The following DESI2 variants were observed in gnomAD, a reference collection of about 807,000 sequenced individuals.
DESI2 encodes deubiquitinase DESI2.
Under a neutral mutation model 24.1 loss-of-function variants are expected in DESI2, and 10 were observed. The observed-to-expected ratio is 0.41, with a 90% CI of 0.26 to 0.70. The LOEUF (loss-of-function observed/expected upper bound fraction) is 0.70, where lower values mean the gene tolerates loss of function less well. Ranked by LOEUF, DESI2 falls within the 30% of genes least tolerant of loss-of-function variation. The probability of loss-of-function intolerance (pLI) is 0.29; values close to 1 mark genes in which losing one functional copy is unlikely to be tolerated. For synonymous variants in DESI2, 71 were observed against 87.7 expected (o/e 0.81, Z 1.06); for missense variants, 122 against 234.9 (o/e 0.52, Z 3.14).
chr1:244,707,009 C>T lies in DESI2; in HGVS notation c.*1220C>T, dbSNP rs568793560. ...TTGTTAGCAAGGAATCTGTCTGCTC[C>T]AGTCTACTCCTAGTTTGATCCTTGG... On this transcript the variant is annotated 3_prime_UTR_variant, in exon 5 of 5. Coordinates refer to ENST00000302550, the MANE Select transcript of DESI2 (RefSeq NM_016076.5). 6.5e-6 allele frequency: 1 copy of T among 152,744 alleles called. No individual in the cohort carries two copies. Among genetic ancestry groups the T allele is most frequent in the South Asian group, 2.1e-4 (1 of 4,822 alleles). 9.5% of individuals were successfully genotyped at this position (152,744 alleles called of 1,614,324 possible). A position where few individuals can be genotyped will look rare whatever the true frequency, so the allele number is the denominator to read the frequency against.
At position 244,670,919 on chromosome 1, in the gene DESI2, T is replaced by C. The variant is rs1250146479; in HGVS notation, c.43-15678T>C. Among the ~76,000 whole-genome samples the C allele has an allele frequency of 3.3e-5, 5 of 152,262 alleles. No homozygotes were observed. The East Asian group carries it at 9.6e-4, about 29-fold the overall frequency. On this transcript the variant is annotated intron_variant, in intron 1 of 4. Transcript: ENST00000302550. ...TTTTTTAAATTCAAGCAGTAATCTC[T>C]GAGATTAATGAAAATATAATAGAAG...
Position 244,708,412 on chromosome 1 carries a change from C to T in DESI2, c.*2623C>T, listed in dbSNP as rs1677794946. The stretch of plus-strand genomic sequence containing the variant: ...TATGATCTTAGCCTCGTCCTGATGC[C>T]TGAATCCAGCCAGCTGTTGCTCTGA... On this transcript the variant is annotated 3_prime_UTR_variant, in exon 5 of 5. Transcript: ENST00000302550. 1 of 152,612 alleles carries T rather than the reference C, an allele frequency of 6.6e-6. No individual in the cohort carries two copies. Among genetic ancestry groups the T allele is most frequent in the African/African-American group, 2.4e-5 (1 of 41,426 alleles). 9.5% of individuals were successfully genotyped at this position (152,612 alleles called of 1,614,324 possible).
intron 1 of DESI2, among the ~76,000 whole-genome samples, chr1:244,668,261 A>G (rs1327030300): frequency 2.0e-5 from 3 of 152,204 alleles, no homozygotes; most frequent in Non-Finnish European, 4.4e-5. Context: ...TTAAACTGAC[A>G]TACAATTTAG....
At chr1:244,691,036 C>A (rs979914122) in intron 3 of DESI2, among the ~76,000 whole-genome samples, 3 of 152,316 alleles carry the variant, frequency 2.0e-5, no homozygotes, top group Admixed American at 2.0e-4. Flanking sequence ...TAAAATTCCA[C>A]TTTCTCTTGG....
chr1:244,687,488 C>T (rs1233448404), intron 2 of DESI2, among the ~76,000 whole-genome samples: 1 of 152,210 alleles, frequency 6.6e-6, no homozygotes, highest in Non-Finnish European at 1.5e-5. Flanking sequence ...TTCGCTTCAG[C>T]TAGGCAGTCT....
At chr1:244,690,496 A>G (rs1251437685) in intron 3 of DESI2, among the ~76,000 whole-genome samples, 1 of 152,160 alleles carries the variant, frequency 6.6e-6, no homozygotes. Flanking sequence ...ACCTGAGGTC[A>G]GGAGTTCGAG....
At chr1:244,668,308 C>T (rs1017027869) in intron 1 of DESI2, among the ~76,000 whole-genome samples, 2 of 152,130 alleles carry the variant, frequency 1.3e-5, no homozygotes, top group Non-Finnish European at 2.9e-5. Context: ...CAATTTTTAT[C>T]TTGGATTCAA....
chr1:244,671,006 A>G (rs1173353004), intron 1 of DESI2, among the ~76,000 whole-genome samples: 1 of 152,214 alleles, frequency 6.6e-6, no homozygotes, highest in African/African-American at 2.4e-5. Flanking sequence ...GTTTGATCCT[A>G]AGGGAAAGAG....
At chr1:244,656,697 T>C (rs1675658577) in intron 1 of DESI2, among the ~76,000 whole-genome samples, 1 of 152,264 alleles carries the variant, frequency 6.6e-6, no homozygotes, top group Non-Finnish European at 1.5e-5. Context: ...TCTTGACTAA[T>C]GAATTTTTAT....
In DESI2 at chr1:244,699,578, C is replaced by CAAAA. The variant is rs559295405; in HGVS notation, c.352-5943_352-5940dup. Among the ~76,000 whole-genome samples, 33 of 66,214 alleles carry CAAAA rather than the reference C, an allele frequency of 5.0e-4. 3 individuals are homozygous for CAAAA. Among genetic ancestry groups the CAAAA allele is most frequent in the African/African-American group, 1.1e-3 (21 of 19,286 alleles). 43.4% of individuals were successfully genotyped at this position (66,214 alleles called of 152,430 possible). A position where few individuals can be genotyped will look rare whatever the true frequency, so the allele number is the denominator to read the frequency against. ...GCCTAGCAACAGAGTGAGACTGTCT[C>CAAAA]AAAAAAAAAAAAAAAAAAAAAAAAA... On this transcript the variant is annotated intron_variant, in intron 4 of 4. Coordinates refer to ENST00000302550, the MANE Select transcript of DESI2 (RefSeq NM_016076.5).
At chr1:244,692,387 T>C (rs1472925840) in intron 4 of DESI2, among the ~76,000 whole-genome samples, 2 of 152,070 alleles carry the variant, frequency 1.3e-5, no homozygotes, top group Non-Finnish European at 2.9e-5. Flanking sequence ...CTGGCTCTTA[T>C]TAATAAGTAA....
chr1:244,653,473 C>A (rs911122100), intron 1 of DESI2, 118 bp downstream of exon 1: 2 of 1,086,042 alleles, frequency 1.8e-6, no homozygotes, highest in Non-Finnish European at 2.6e-6. Flanking sequence ...CAGCCTAGTT[C>A]TCGGGGGAAG....
intron 4 of DESI2, chr1:244,694,564 T>C (rs1445956108): frequency 1.3e-6 from 1 of 792,914 alleles, no homozygotes; most frequent in South Asian, 1.3e-5. Context: ...TTTTGTCTTT[T>C]AGCCTTGGCA....
chr1:244,678,000 T>C (rs946909993), intron 1 of DESI2, among the ~76,000 whole-genome samples: 1 of 152,200 alleles, frequency 6.6e-6, no homozygotes, highest in Non-Finnish European at 1.5e-5. Context: ...CAAAGGAATA[T>C]ATCTCTAGGT....
chr1:244,686,608 C>T lies in DESI2; in HGVS notation c.54C>T (p.Asn18=), dbSNP rs779836018. ...VLNVYDMYWM[N]EYTSSIGIGV... is the part of the protein sequence containing the mutation. Reference sequence around the variant, plus strand: ...TCTTTTTTTCTCAGTATTGGATGAACGAATATACCTCATCCATTGGAATTG... The same window carrying T: ...TCTTTTTTTCTCAGTATTGGATGAATGAATATACCTCATCCATTGGAATTG... The change falls in exon 2 of 5, where the codon AAC becomes AAT. Residue 18 remains asparagine, a synonymous_variant. Coordinates refer to ENST00000302550, the MANE Select transcript of DESI2 (RefSeq NM_016076.5). The T allele has an allele frequency of 5.0e-6, 8 of 1,604,340 alleles. No individual in the cohort carries two copies. In the East Asian group the frequency reaches 8.9e-5, roughly 18 times the overall value.
chr1:244,699,224 T>G (rs1208569356), intron 4 of DESI2, among the ~76,000 whole-genome samples: 3 of 152,190 alleles, frequency 2.0e-5, no homozygotes, highest in African/African-American at 7.2e-5. Flanking sequence ...TTGAAATATT[T>G]TGAAAATTCA....
At chr1:244,670,427 A>G (rs1676207628) in intron 1 of DESI2, among the ~76,000 whole-genome samples, 1 of 152,226 alleles carries the variant, frequency 6.6e-6, no homozygotes. Context: ...TTACACATGC[A>G]TACAATCTTC....
intron 1 of DESI2, among the ~76,000 whole-genome samples, chr1:244,669,216 TGA>T (rs1471688771): frequency 6.6e-6 from 1 of 152,054 alleles, no homozygotes; most frequent in Non-Finnish European, 1.5e-5. Context: ...AGGCTGGTCT[TGA>T]ACTCCTGGGC....
chr1:244,678,328 A>G (rs756424737), intron 1 of DESI2, among the ~76,000 whole-genome samples: 9 of 152,216 alleles, frequency 5.9e-5, no homozygotes, highest in Non-Finnish European at 8.8e-5. Context: ...AAAATCTTGA[A>G]TACAAGGAAT....
Sources: allele counts gnomAD v4.1 joint callset (sites outside exome capture counted in the v4.1 genomes callset), GRCh38; gene constraint gnomAD v4.1.1; transcripts MANE v1.5; gene names NCBI Gene and HGNC (gene_info 2026-07-23, HGNC 2026-07-21).